Variants in MVB12B observed in about 807,000 individuals in gnomAD.
MVB12B encodes the protein multivesicular body subunit 12B, also known as ESCRT-I complex subunit MVB12B.
A neutral mutation model predicts 41.6 loss-of-function variants in MVB12B; 16 were observed. The observed-to-expected ratio is 0.38, with a 90% CI of 0.26 to 0.58. The LOEUF (loss-of-function observed/expected upper bound fraction) is 0.58, where lower values mean the gene tolerates loss of function less well. Among genes scored for constraint, MVB12B ranks in the 20% least tolerant of loss-of-function variants. The probability of loss-of-function intolerance (pLI) is 0.62; values close to 1 mark genes in which losing one functional copy is unlikely to be tolerated. For missense variants in MVB12B, 274 were observed against 380.2 expected (o/e 0.72, Z 2.32); for synonymous variants, 133 against 139.7 (o/e 0.95, Z 0.34).
At position 126,336,773 on chromosome 9, in the gene MVB12B, C is replaced by CACACAT. The variant is rs1829295620; in HGVS notation, c.82-3730_82-3729insTACACA. Among the ~76,000 whole-genome samples, 12 of 151,970 alleles carry CACACAT rather than the reference C, an allele frequency of 7.9e-5. No homozygotes were observed. In the East Asian group the frequency reaches 2.3e-3, roughly 29 times the overall value. On this transcript the variant is annotated intron_variant, in intron 1 of 9. Transcript: ENST00000361171. ...GTGCACGCACACACACACACACACA[C>CACACAT]ACACACACTACTATCCTGCCTTGCC...
At chr9:126,470,644 C>CTGTG (rs1261773087) in intron 7 of MVB12B, among the ~76,000 whole-genome samples, 1 of 71,346 alleles carries the variant, frequency 1.4e-5, no homozygotes, top group Non-Finnish European at 2.9e-5. Context: ...GGAGTCAGTG[C>CTGTG]TCTGTGTGTG....
rs2119205040 is a variant in MVB12B at position 126,480,952 on chromosome 9, C to T, written c.758-417C>T. 1 of 176,040 alleles carries T rather than the reference C, an allele frequency of 5.7e-6. No individual in the cohort carries two copies. The highest frequency in any genetic ancestry group is 6.1e-5 in the Admixed American group (1 of 16,378). 10.9% of individuals were successfully genotyped at this position (176,040 alleles called of 1,614,324 possible). ...CCCTGAGTCCAACAGCACCTTAGAG[C>T]ATGTCTAATGCACGTGCTTACTGCC... On this transcript the variant is annotated intron_variant, in intron 7 of 9. Coordinates refer to ENST00000361171, the MANE Select transcript of MVB12B (RefSeq NM_033446.3). The surrounding 1 kb of genome is among the most constrained non-coding windows in gnomAD (Gnocchi z 4.9).
At chr9:126,353,107 AAGAAG>A (rs1829796921) in intron 2 of MVB12B, among the ~76,000 whole-genome samples, 1 of 152,180 alleles carries the variant, frequency 6.6e-6, no homozygotes, top group Non-Finnish European at 1.5e-5. Flanking sequence ...GAGACTACTG[AAGAAG>A]AGAAGAGTCC....
At position 126,403,950 on chromosome 9, in the gene MVB12B, C is replaced by CTTTT. The variant is rs36030597; in HGVS notation, c.662+8273_662+8276dup. 4.2e-3 allele frequency among the ~76,000 whole-genome samples: 441 copies of CTTTT among 104,732 alleles called. 2 individuals carry two copies. The highest frequency in any genetic ancestry group is 0.01 in the East Asian group (29 of 2,850). The allele number at this position is 104,732 out of a possible 152,430, so 68.7% of individuals were successfully genotyped here. A position where few individuals can be genotyped will look rare whatever the true frequency, so the allele number is the denominator to read the frequency against. On this transcript the variant is annotated intron_variant, in intron 6 of 9. Transcript: ENST00000361171. ...GGCTTTACAAATAACTCCTTTAAAT[C>CTTTT]TTTTTTTTTTTTTTTTTTTTTTTGA...
In MVB12B at chr9:126,395,703, G is replaced by T; in HGVS notation, c.662+6G>T. 6.2e-7 allele frequency: 1 copy of T among 1,613,884 alleles called. No homozygotes were observed. The highest frequency in any genetic ancestry group is 2.2e-5 in the East Asian group (1 of 44,884). ...CCAGCCCCCAACCTTCCCAGGTGAGGCCTTGTCGGGGTGTCTTGCGTTGTC... is the reference window on the plus strand; with the variant it reads ...CCAGCCCCCAACCTTCCCAGGTGAGTCCTTGTCGGGGTGTCTTGCGTTGTC... On this transcript the variant is annotated splice_donor_region_variant and intron_variant, in intron 6 of 9. Coordinates refer to ENST00000361171, the MANE Select transcript of MVB12B (RefSeq NM_033446.3). The surrounding 1 kb of genome is among the most constrained non-coding windows in gnomAD (Gnocchi z 4.9).
intron 7 of MVB12B, among the ~76,000 whole-genome samples, chr9:126,467,872 G>A (rs1387055427): frequency 6.6e-6 from 1 of 152,176 alleles, no homozygotes; most frequent in Non-Finnish European, 1.5e-5. Context: ...GTCTCTTTTA[G>A]AGGAGATGCT....
At chr9:126,356,816 T>A (rs930433877) in intron 2 of MVB12B, among the ~76,000 whole-genome samples, 1 of 152,052 alleles carries the variant, frequency 6.6e-6, no homozygotes, top group Non-Finnish European at 1.5e-5. Flanking sequence ...ATTCTCTCAC[T>A]GCTGCTCCTG....
At chr9:126,440,251 C>A (rs948134618) in intron 7 of MVB12B, among the ~76,000 whole-genome samples, 1 of 152,170 alleles carries the variant, frequency 6.6e-6, no homozygotes, top group Non-Finnish European at 1.5e-5. Flanking sequence ...TTTTTCTCCC[C>A]CAAACTGTGC....
At chr9:126,484,097 G>A (rs982583430) in intron 9 of MVB12B, 65 bp downstream of exon 9, 48 of 1,484,898 alleles carry the variant, frequency 3.2e-5, no homozygotes, top group African/African-American at 4.2e-5. Context: ...GGCGTCTCTC[G>A]TGTGTTCCCC....
chr9:126,410,678 G>A (rs532918465), intron 6 of MVB12B, among the ~76,000 whole-genome samples: 36 of 152,134 alleles, frequency 2.4e-4, no homozygotes, highest in African/African-American at 8.7e-4. Context: ...CGGAGCCTCC[G>A]TTGCCCATCC....
chr9:126,329,459 C>T (rs1206138212), intron 1 of MVB12B, among the ~76,000 whole-genome samples: 3 of 152,272 alleles, frequency 2.0e-5, no homozygotes, highest in East Asian at 1.9e-4. Flanking sequence ...AAAAAGAATA[C>T]AAGAATATCC....
chr9:126,330,554 ACTT>A (rs10570783), intron 1 of MVB12B, among the ~76,000 whole-genome samples: 1,799 of 152,246 alleles, frequency 0.012, 27 homozygotes, highest in African/African-American at 0.042. Context: ...CTTGGGTTAT[ACTT>A]CTTCTTACTG....
At chr9:126,357,959 T>C (rs1829926575) in intron 2 of MVB12B, among the ~76,000 whole-genome samples, 1 of 152,224 alleles carries the variant, frequency 6.6e-6, no homozygotes, top group Admixed American at 6.5e-5. Flanking sequence ...TTAGTTGTTA[T>C]ATTTAGATCA....
At chr9:126,356,079 A>G (rs1244514607) in intron 2 of MVB12B, among the ~76,000 whole-genome samples, 1 of 152,184 alleles carries the variant, frequency 6.6e-6, no homozygotes, top group Non-Finnish European at 1.5e-5. Flanking sequence ...ACTTAGAGTC[A>G]TGTTTTCAAG....
At chr9:126,337,899 G>T (rs1829328481) in intron 1 of MVB12B, among the ~76,000 whole-genome samples, 1 of 152,212 alleles carries the variant, frequency 6.6e-6, no homozygotes, top group Non-Finnish European at 1.5e-5. Flanking sequence ...GGCTCCGCGC[G>T]GCCTGGGAAA....
intron 7 of MVB12B, among the ~76,000 whole-genome samples, chr9:126,476,738 A>G (rs985576119): frequency 8.6e-5 from 13 of 151,720 alleles, no homozygotes; most frequent in South Asian, 6.2e-4. Context: ...TTAGCCGGGC[A>G]TGGTGGCGGG....
chr9:126,432,590 T>C (rs1832358912), intron 7 of MVB12B, among the ~76,000 whole-genome samples: 1 of 152,252 alleles, frequency 6.6e-6, no homozygotes, highest in Non-Finnish European at 1.5e-5. Flanking sequence ...GTGTAAGGTA[T>C]GGCATATGCA....
chr9:126,356,806 A>C (rs1344409856), intron 2 of MVB12B, among the ~76,000 whole-genome samples: 1 of 151,856 alleles, frequency 6.6e-6, no homozygotes, highest in Non-Finnish European at 1.5e-5. Context: ...ACCTGCCTTC[A>C]TTCTCTCACT....
chr9:126,403,342 A>G (rs1831320754), intron 6 of MVB12B, among the ~76,000 whole-genome samples: 1 of 152,136 alleles, frequency 6.6e-6, no homozygotes, highest in Non-Finnish European at 1.5e-5. Context: ...CTCCTGGAAG[A>G]GTTAGGCTGG....
Sources: allele counts gnomAD v4.1 joint callset (sites outside exome capture counted in the v4.1 genomes callset), GRCh38; gene constraint gnomAD v4.1.1; non-coding constraint Gnocchi (gnomAD v3.1); transcripts MANE v1.5; gene names NCBI Gene and HGNC (gene_info 2026-07-23, HGNC 2026-07-21).